ZNF516: variants seen among roughly 807,000 people sequenced by gnomAD.
ZNF516 encodes the protein zinc finger protein 516.
In ZNF516, 19 loss-of-function variants were observed where a neutral mutation model predicts 79.7. The ratio of observed to expected loss-of-function variants is 0.24; its 90% CI spans 0.17 to 0.35. The LOEUF (loss-of-function observed/expected upper bound fraction) is 0.35. ZNF516 is among the 10% of genes least tolerant of loss of function. The pLI is 1.00. For missense variants in ZNF516, 1,678 were observed against 1,679.5 expected (o/e 1.00, Z 0.02); for synonymous variants, 877 against 739.5 (o/e 1.19, Z -3.02).
At chr18:76,455,765 C>A (rs1912684603) in intron 2 of ZNF516, among the ~76,000 whole-genome samples, 1 of 152,228 alleles carries the variant, frequency 6.6e-6, no homozygotes, top group Admixed American at 6.5e-5. Context: ...AGAGTCTGCA[C>A]TTACACACGT....
chr18:76,358,032 G>A lies in ZNF516; in HGVS notation c.*4466C>T, dbSNP rs2074480827. Among the ~76,000 whole-genome samples the A allele has an allele frequency of 6.6e-6, 1 of 152,230 alleles. No individual in the cohort carries two copies. The highest frequency in any genetic ancestry group is 1.5e-5 in the Non-Finnish European group (1 of 68,042). On this transcript the variant is annotated 3_prime_UTR_variant, in exon 7 of 7. Coordinates refer to ENST00000443185, the MANE Select transcript of ZNF516 (RefSeq NM_014643.4). ...GGGCCATCTGGGCATCTGTTCAGAT[G>A]AACGATCTTGTGAATTACCCTAAAA...
intron 3 of ZNF516, among the ~76,000 whole-genome samples, chr18:76,406,956 A>G (rs2075312053): frequency 6.6e-6 from 1 of 152,172 alleles, no homozygotes; most frequent in Non-Finnish European, 1.5e-5. Flanking sequence ...GGGCTATCTT[A>G]GATTTGCTAA....
At chr18:76,491,429 C>A (rs1382350327) in intron 1 of ZNF516, among the ~76,000 whole-genome samples, 1 of 142,230 alleles carries the variant, frequency 7.0e-6, no homozygotes. Flanking sequence ...CCGCCCCCGC[C>A]CCCCGGCCCG....
intron 2 of ZNF516, among the ~76,000 whole-genome samples, chr18:76,461,892 C>G (rs2145676150): frequency 6.6e-6 from 1 of 152,340 alleles, no homozygotes; most frequent in East Asian, 1.9e-4. Context: ...GCAGCCTCAC[C>G]TGGATGGGAA....
intron 3 of ZNF516, among the ~76,000 whole-genome samples, chr18:76,415,344 G>A (rs1366084628): frequency 6.6e-6 from 1 of 152,258 alleles, no homozygotes; most frequent in Non-Finnish European, 1.5e-5. Context: ...TCATGTGTGT[G>A]ACAATGGCCT....
upstream of ZNF516, chr18:76,496,163 C>CGGGGGCGG: frequency 1.4e-6 from 1 of 709,652 alleles, no homozygotes; most frequent in Non-Finnish European, 1.7e-6. Flanking sequence ...GGCGGGCGCG[C>CGGGGGCGG]GGGGGCGGGG....
chr18:76,465,649 T>A (rs1286306329), intron 1 of ZNF516, among the ~76,000 whole-genome samples: 5 of 152,154 alleles, frequency 3.3e-5, no homozygotes, highest in African/African-American at 9.7e-5. Context: ...GAGAAGGGCC[T>A]CTCCCTGCGG....
chr18:76,490,158 C>T (rs1476323300), intron 1 of ZNF516: 1 of 985,158 alleles, frequency 1.0e-6, no homozygotes, highest in Non-Finnish European at 1.2e-6. Context: ...CAGTTCATCC[C>T]AGAGCCCATT....
rs566807600 is a variant in ZNF516, at chr18:76,467,338, G to C, written c.-271-4197C>G. ...GACAGCCCCTCTGGGTTGGCAGGAA[G>C]TCCTGCGTGTCTCTCGGAACCTGCA... On this transcript the variant is annotated intron_variant, in intron 1 of 6. Coordinates refer to ENST00000443185, the MANE Select transcript of ZNF516 (RefSeq NM_014643.4). This position sits in a 1 kb window ranked among gnomAD's most constrained non-coding sequence, Gnocchi z 4.2. Among the ~76,000 whole-genome samples, 5 of 143,782 alleles carry C rather than the reference G, an allele frequency of 3.5e-5. No homozygotes were observed. The South Asian group carries it at 1.2e-3, about 35-fold the overall frequency. The allele number at this position is 143,782 out of a possible 152,430, so 94.3% of individuals were successfully genotyped here.
chr18:76,471,891 AC>A (rs1913865551), intron 1 of ZNF516, among the ~76,000 whole-genome samples: 1 of 152,090 alleles, frequency 6.6e-6, no homozygotes, highest in African/African-American at 2.4e-5. Flanking sequence ...CCAGGACATC[AC>A]GCCCACTAGG....
intron 3 of ZNF516, chr18:76,385,712 G>GGGTCTGC (rs1370804869): frequency 6.6e-6 from 1 of 152,214 alleles, no homozygotes; most frequent in Non-Finnish European, 1.5e-5. Context: ...CAGCAAGCAT[G>GGGTCTGC]GGTCTGCGCC....
intron 1 of ZNF516, among the ~76,000 whole-genome samples, chr18:76,463,996 C>T (rs1171697278): frequency 1.3e-5 from 2 of 152,124 alleles, no homozygotes; most frequent in Non-Finnish European, 1.5e-5. Flanking sequence ...TTCTTTACGG[C>T]ACCACGCCAT....
intron 3 of ZNF516, among the ~76,000 whole-genome samples, chr18:76,416,496 C>T (rs568976898): frequency 6.6e-6 from 1 of 152,174 alleles, no homozygotes; most frequent in African/African-American, 2.4e-5. Context: ...GGATTTTAGT[C>T]AAATATTTAA....
In ZNF516 at chr18:76,379,153, A is replaced by G. The variant is rs764766763; in HGVS notation, c.2961T>C (p.Pro987=). The part of the protein sequence containing the change: ...KFSAQPQGPP[P]AKGEGGAPPL... ...GAGGAGCGCCCCCTTCGCCCTTTGC[A>G]GGAGGTGGACCCTGAGGCTGAGCAC... The change falls in exon 4 of 7, where the codon CCT becomes CCC. Residue 987 remains proline (P), a synonymous_variant. Coordinates refer to ENST00000443185, the MANE Select transcript of ZNF516 (RefSeq NM_014643.4). 2.7e-5 allele frequency: 43 copies of G among 1,612,824 alleles called. No individual in the cohort carries two copies. Among genetic ancestry groups the G allele is most frequent in the Non-Finnish European group, 3.6e-5 (42 of 1,179,710 alleles).
intron 3 of ZNF516, among the ~76,000 whole-genome samples, chr18:76,390,379 T>C (rs868392386): frequency 6.6e-6 from 1 of 152,176 alleles, no homozygotes; most frequent in African/African-American, 2.4e-5. Context: ...GGCACACCTG[T>C]GTCAGGGTTT....
intron 4 of ZNF516, among the ~76,000 whole-genome samples, chr18:76,374,472 G>C (rs2074755148): frequency 6.6e-6 from 1 of 152,166 alleles, no homozygotes; most frequent in Non-Finnish European, 1.5e-5. Context: ...TGTTTGGGTA[G>C]AGTTTTTAGA....
intron 6 of ZNF516, among the ~76,000 whole-genome samples, chr18:76,367,436 C>G (rs1454105430): frequency 6.6e-6 from 1 of 152,256 alleles, no homozygotes; most frequent in African/African-American, 2.4e-5. Flanking sequence ...TCTCTATCCC[C>G]TGTGGGAAGA....
At chr18:76,494,272 T>C (rs1030341535) in intron 1 of ZNF516, among the ~76,000 whole-genome samples, 12 of 152,202 alleles carry the variant, frequency 7.9e-5, no homozygotes, top group Non-Finnish European at 1.3e-4. Context: ...TAGTTCTCCC[T>C]GGAAATGGCA....
At chr18:76,457,997 T>C (rs921856121) in intron 2 of ZNF516, among the ~76,000 whole-genome samples, 4 of 152,222 alleles carry the variant, frequency 2.6e-5, no homozygotes, top group African/African-American at 9.6e-5. Flanking sequence ...AGCTACTTAT[T>C]TGCAATGATA....
Sources: allele counts gnomAD v4.1 joint callset (sites outside exome capture counted in the v4.1 genomes callset), GRCh38; gene constraint gnomAD v4.1.1; non-coding constraint Gnocchi (gnomAD v3.1); transcripts MANE v1.5; gene names NCBI Gene and HGNC (gene_info 2026-07-23, HGNC 2026-07-21).